The following RIPOR3 variants were observed in gnomAD, a reference collection of about 807,000 sequenced individuals.
RIPOR3 encodes RIPOR family member 3.
RIPOR3 carries 95 observed loss-of-function variants against 114.3 expected under a neutral mutation model. The observed-to-expected ratio is 0.83, with a 90% CI of 0.70 to 0.99. The LOEUF (loss-of-function observed/expected upper bound fraction) is 0.99, where lower values mean the gene tolerates loss of function less well. Ranked by LOEUF, RIPOR3 falls within the 50% of genes least tolerant of loss-of-function variation. The pLI, the probability that RIPOR3 is intolerant of heterozygous loss-of-function variation, is 0.00. For synonymous variants in RIPOR3, 575 were observed against 543.8 expected, an observed-to-expected ratio of 1.06 and a Z score of -0.80; for missense variants, 1,252 against 1,266.9, an observed-to-expected ratio of 0.99 and a Z score of 0.18.
At chr20:50,666,035 A>G (rs907729537) in intron 1 of RIPOR3, among the ~76,000 whole-genome samples, 1 of 150,648 alleles carries the variant, frequency 6.6e-6, no homozygotes, top group Non-Finnish European at 1.5e-5. Context: ...CAAGGCCCAG[A>G]CTCTGGGCCT....
In RIPOR3 at chr20:50,605,356, G is replaced by C. The variant is rs773656869; in HGVS notation, c.957-582C>G. Among the ~76,000 whole-genome samples the C allele has an allele frequency of 2.7e-4, 41 of 152,214 alleles. 1 individual carries two copies. The highest frequency in any genetic ancestry group is 1.1e-3 in the Admixed American group (17 of 15,280). ...AGATGAGTGACTTGCTTAGGGCAGT[G>C]TCACAACCAACCACGCGAGACGGAA... On this transcript the variant is annotated intron_variant, in intron 11 of 21. Transcript: ENST00000327979.
intron 1 of RIPOR3, among the ~76,000 whole-genome samples, chr20:50,666,226 T>TCTTTTCTTTTCTCTTCTCCTCTC (rs1555873214): frequency 2.1e-5 from 3 of 139,720 alleles, no homozygotes; most frequent in Non-Finnish European, 3.1e-5. Context: ...TCTTTTCTTT[T>TCTTTTCTTTTCTCTTCTCCTCTC]TTGAGACGGA....
intron 1 of RIPOR3, among the ~76,000 whole-genome samples, chr20:50,652,590 CAAAAAAAAAAA>C (rs11470456): frequency 1.1e-5 from 1 of 87,324 alleles, no homozygotes; most frequent in African/African-American, 4.2e-5. Context: ...GATTCTGTCT[CAAAAAAAAAAA>C]AAAAAAAAAA....
Position 50,593,051 on chromosome 20 carries a change from G to GA in RIPOR3, c.2357_2358insT (p.Gln787ProfsTer104), listed in dbSNP as rs1158427223. The GA allele has an allele frequency of 6.2e-7, 1 of 1,613,962 alleles. No individual in the cohort carries two copies. The highest frequency in any genetic ancestry group is 1.3e-5 in the African/African-American group (1 of 74,936). The stretch of plus-strand genomic sequence containing the variant: ...CAGTCTTACCTTCCTTGGTGAGCTG[G>GA]GTGAAGTGCTTCTCCAGGTCAGAGA... On this transcript the variant is annotated frameshift_variant, in exon 18 of 22. Coordinates refer to ENST00000327979, the MANE Select transcript of RIPOR3 (RefSeq NM_001290268.2). LOFTEE classifies it high-confidence loss of function.
At chr20:50,676,734 A>G (rs1385544558) in intron 1 of RIPOR3, among the ~76,000 whole-genome samples, 2 of 151,086 alleles carry the variant, frequency 1.3e-5, no homozygotes, top group Non-Finnish European at 2.9e-5. Context: ...AACATCAGAA[A>G]TGGGTTTCTC....
chr20:50,595,078 T>C, intron 16 of RIPOR3: 2 of 498,810 alleles, frequency 4.0e-6, no homozygotes, highest in Non-Finnish European at 7.2e-6. Flanking sequence ...GTTACCTCAC[T>C]GAACCCCGTG....
chr20:50,593,509 T>A (rs1261519920), intron 17 of RIPOR3, among the ~76,000 whole-genome samples: 1 of 151,838 alleles, frequency 6.6e-6, no homozygotes, highest in Non-Finnish European at 1.5e-5. Context: ...AGGTGGAGGT[T>A]GTAGTGAGCC....
At chr20:50,643,303 T>TGC in intron 1 of RIPOR3, among the ~76,000 whole-genome samples, 1 of 149,536 alleles carries the variant, frequency 6.7e-6, no homozygotes, top group African/African-American at 2.4e-5. Context: ...TGTGTGTGTT[T>TGC]TTTTTTTTTT....
At chr20:50,689,578 G>A (rs1421447319) in intron 1 of RIPOR3, among the ~76,000 whole-genome samples, 1 of 152,180 alleles carries the variant, frequency 6.6e-6, no homozygotes, top group Non-Finnish European at 1.5e-5. Flanking sequence ...GAATCTCAGG[G>A]TTGCGGAGAG....
At chr20:50,681,920 G>A (rs143118383) in intron 1 of RIPOR3, among the ~76,000 whole-genome samples, 117 of 152,298 alleles carry the variant, frequency 7.7e-4, no homozygotes, top group African/African-American at 2.4e-3. Context: ...TTCCAGCCCC[G>A]TCCTTGATGT....
intron 13 of RIPOR3, among the ~76,000 whole-genome samples, chr20:50,599,903 CTTTT>C (rs10639593): frequency 2.0e-5 from 3 of 151,452 alleles, no homozygotes; most frequent in Non-Finnish European, 2.9e-5. Context: ...CACACACACA[CTTTT>C]TTTTCTTTTG....
intron 6 of RIPOR3, among the ~76,000 whole-genome samples, chr20:50,610,141 G>T (rs3971643): frequency 0.79 from 81,210 of 102,584 alleles, 31,153 homozygotes; most frequent in East Asian, 0.92. Context: ...CTGCCACCCC[G>T]GCCTCACCTG....
intron 1 of RIPOR3, among the ~76,000 whole-genome samples, chr20:50,670,879 G>T (rs1484703521): frequency 6.6e-6 from 1 of 152,112 alleles, no homozygotes; most frequent in Non-Finnish European, 1.5e-5. Flanking sequence ...GGCCTCCAGT[G>T]ATCCCACCTC....
chr20:50,661,454 G>A (rs765168003), intron 1 of RIPOR3, among the ~76,000 whole-genome samples: 21 of 152,164 alleles, frequency 1.4e-4, no homozygotes, highest in Non-Finnish European at 1.6e-4. Flanking sequence ...GAAATTGGTA[G>A]AGTAGGTTTC....
chr20:50,592,056 C>T (rs1479896553), intron 19 of RIPOR3, among the ~76,000 whole-genome samples: 1 of 152,194 alleles, frequency 6.6e-6, no homozygotes, highest in Non-Finnish European at 1.5e-5. Context: ...CACTGGACTC[C>T]AGCCTGGGCA....
At chr20:50,670,471 A>C (rs955870418) in intron 1 of RIPOR3, among the ~76,000 whole-genome samples, 1 of 151,354 alleles carries the variant, frequency 6.6e-6, no homozygotes, top group Non-Finnish European at 1.5e-5. Flanking sequence ...GGATCAGATT[A>C]AATTAAATCT....
chr20:50,653,829 A>G (rs1210500330), intron 1 of RIPOR3: 1 of 152,036 alleles, frequency 6.6e-6, no homozygotes, highest in Non-Finnish European at 1.5e-5. Flanking sequence ...GGAGTCAAAC[A>G]ATCCATCCGC....
At chr20:50,630,624 C>G in intron 2 of RIPOR3, 114 bp downstream of exon 2, 1 of 837,368 alleles carries the variant, frequency 1.2e-6, no homozygotes, top group Non-Finnish European at 1.9e-6. Flanking sequence ...TGCAAGCCGG[C>G]CTGAGAGTGG....
chr20:50,602,115 C>CGGAGCT lies in RIPOR3; in HGVS notation c.1610_1615dup (p.Gln537_Leu538dup). On this transcript the variant is annotated inframe_insertion, in exon 13 of 22. Coordinates refer to ENST00000327979, the MANE Select transcript of RIPOR3 (RefSeq NM_001290268.2). This position sits in a 1 kb window ranked among gnomAD's most constrained non-coding sequence, Gnocchi z 4.3. ...GCCGAGGACCTGGTACTCCAGCTCC[C>CGGAGCT]GGAGCTGGGGCTGGGTGGAGTCCGT... The CGGAGCT allele has an allele frequency of 6.2e-7, 1 of 1,603,350 alleles. No homozygotes were observed. The highest frequency in any genetic ancestry group is 1.1e-5 in the South Asian group (1 of 90,088).
Sources: allele counts gnomAD v4.1 joint callset (sites outside exome capture counted in the v4.1 genomes callset), GRCh38; gene constraint gnomAD v4.1.1; non-coding constraint Gnocchi (gnomAD v3.1); transcripts MANE v1.5; gene names NCBI Gene and HGNC (gene_info 2026-07-23, HGNC 2026-07-21).